Variants in BAG3 observed in about 807,000 individuals in gnomAD.
BAG3 encodes BAG family molecular chaperone regulator 3.
BAG3 carries 14 observed loss-of-function variants against 40.5 expected under a neutral mutation model. That is an observed-to-expected ratio of 0.35 (90% CI 0.23 to 0.54). The LOEUF (loss-of-function observed/expected upper bound fraction) is 0.54. BAG3 is among the 20% of genes least tolerant of loss of function. The pLI is 0.91. For synonymous variants in BAG3, 302 were observed against 307.8 expected, an observed-to-expected ratio of 0.98 and a Z score of 0.20; for missense variants, 788 against 758.6, an observed-to-expected ratio of 1.04 and a Z score of -0.46.
Position 119,670,140 on chromosome 10 carries a change from C to T in BAG3, c.470C>T (p.Ala157Val), listed in dbSNP as rs541080567. The change falls in exon 2 of 4, where the codon GCG becomes GTG. Residue 157 changes from alanine (A) to valine (V), a missense_variant. Coordinates refer to ENST00000369085, the MANE Select transcript of BAG3 (RefSeq NM_004281.4). The part of the protein sequence containing the change: ...PDKQCGQVAA[A>V]AAAQPPASHG... ...AAACAGTGTGGACAGGTGGCAGCGGCGGCGGCAGCCCAGCCCCCAGCCTCC... is the reference window on the plus strand; with the variant it reads ...AAACAGTGTGGACAGGTGGCAGCGGTGGCGGCAGCCCAGCCCCCAGCCTCC... The T allele has an allele frequency of 1.9e-5, 31 of 1,612,070 alleles. No individual in the cohort carries two copies. The highest frequency in any genetic ancestry group is 1.9e-4 in the African/African-American group (14 of 75,056).
At chr10:119,675,487 G>C (rs1190474242) in intron 3 of BAG3, among the ~76,000 whole-genome samples, 1 of 152,174 alleles carries the variant, frequency 6.6e-6, no homozygotes, top group African/African-American at 2.4e-5. Flanking sequence ...ACCATTTAGA[G>C]CATCTTGGCT....
At chr10:119,657,314 G>C (rs1336611701) in intron 1 of BAG3, 10 of 333,342 alleles carry the variant, frequency 3.0e-5, no homozygotes, top group Non-Finnish European at 5.3e-5. Context: ...GAAGCAGGCT[G>C]TCTCTCTTCT....
chr10:119,664,663 A>G (rs1847034925), intron 1 of BAG3, among the ~76,000 whole-genome samples: 2 of 152,172 alleles, frequency 1.3e-5, no homozygotes, highest in Non-Finnish European at 1.5e-5. Flanking sequence ...TCCCGCTTGA[A>G]TCAGGAAGGG....
At chr10:119,675,325 C>A (rs756383031) in intron 3 of BAG3, among the ~76,000 whole-genome samples, 29 of 152,090 alleles carry the variant, frequency 1.9e-4, no homozygotes, top group Non-Finnish European at 3.5e-4. Flanking sequence ...AGAGTGAGAC[C>A]CTGTCCCCCA....
In BAG3 at chr10:119,651,575, TCGGCGGCGGAGAGGGGCCCACGG is replaced by T. The variant is rs1846839421; in HGVS notation, c.-93_-71del. ...GCCCGGCGCCGGCTTCCCGGACACG[TCGGCGGCGGAGAGGGGCCCACGG>T]CGGCGGCCCGGCCAGAGACTCGGCG... On this transcript the variant is annotated 5_prime_UTR_variant, in exon 1 of 4. Coordinates refer to ENST00000369085, the MANE Select transcript of BAG3 (RefSeq NM_004281.4). 1.7e-6 allele frequency: 2 copies of T among 1,165,594 alleles called. No homozygotes were observed. The highest frequency in any genetic ancestry group is 2.2e-6 in the Non-Finnish European group (2 of 895,882). The allele number at this position is 1,165,594 out of a possible 1,614,324, so 72.2% of individuals were successfully genotyped here. A position where few individuals can be genotyped will look rare whatever the true frequency, so the allele number is the denominator to read the frequency against.
intron 1 of BAG3, among the ~76,000 whole-genome samples, chr10:119,655,080 G>A (rs528049753): frequency 2.0e-5 from 3 of 152,336 alleles, no homozygotes; most frequent in East Asian, 3.9e-4. Flanking sequence ...TGGGAGCCAC[G>A]GATGGCCAGT....
At chr10:119,662,567 G>A (rs1299281766) in intron 1 of BAG3, among the ~76,000 whole-genome samples, 4 of 152,106 alleles carry the variant, frequency 2.6e-5, no homozygotes, top group African/African-American at 9.7e-5. Flanking sequence ...TAAAAACCCA[G>A]TTAATACAGT....
At chr10:119,654,483 C>T (rs1165977106) in intron 1 of BAG3, among the ~76,000 whole-genome samples, 10 of 152,364 alleles carry the variant, frequency 6.6e-5, no homozygotes, top group Admixed American at 5.2e-4. Flanking sequence ...TGCCGTCTTG[C>T]AGTTGATCTT....
chr10:119,657,064 T>C (rs1221193794), intron 1 of BAG3, among the ~76,000 whole-genome samples: 1 of 152,144 alleles, frequency 6.6e-6, no homozygotes, highest in Non-Finnish European at 1.5e-5. Context: ...CAGGCACAGC[T>C]TGAGGTGATA....
intron 1 of BAG3, among the ~76,000 whole-genome samples, chr10:119,667,672 G>T (rs1183882732): frequency 6.6e-6 from 1 of 152,170 alleles, no homozygotes; most frequent in Non-Finnish European, 1.5e-5. Context: ...TGTTGGCAGG[G>T]AGTGCCCCTT....
chr10:119,656,268 G>A (rs998357414), intron 1 of BAG3, among the ~76,000 whole-genome samples: 1 of 151,972 alleles, frequency 6.6e-6, no homozygotes, highest in Non-Finnish European at 1.5e-5. Flanking sequence ...TGAACCCTGT[G>A]TCACACTTGA....
chr10:119,656,891 C>T (rs184407890), intron 1 of BAG3, among the ~76,000 whole-genome samples: 1 of 152,260 alleles, frequency 6.6e-6, no homozygotes, highest in East Asian at 1.9e-4. Flanking sequence ...GTGTCTTACA[C>T]ATGGGACAGC....
intron 1 of BAG3, among the ~76,000 whole-genome samples, chr10:119,668,070 A>T (rs937219940): frequency 2.0e-5 from 3 of 152,192 alleles, no homozygotes; most frequent in Non-Finnish European, 2.9e-5. Context: ...CCTGAGAGTT[A>T]AGCAGGCTAA....
At chr10:119,675,412 G>A (rs985317286) in intron 3 of BAG3, among the ~76,000 whole-genome samples, 1 of 152,182 alleles carries the variant, frequency 6.6e-6, no homozygotes, top group Admixed American at 6.5e-5. Flanking sequence ...GCACAGAGGC[G>A]CTGTGTCATT....
At position 119,677,147 on chromosome 10, in the gene BAG3, A is replaced by G. The variant is rs1057521271; in HGVS notation, c.1593A>G (p.Ala531=). ...LQAIMEMGAV[A]ADKGKKNAGN... ...CAATCATGGAGATGGGTGCCGTGGC[A>G]GCAGACAAGGGCAAGAAAAATGCTG... Residue 531 remains alanine (A), a synonymous_variant, in exon 4 of 4, where the codon GCA becomes GCG. Transcript: ENST00000369085. 20 of 1,614,100 alleles carry G rather than the reference A, an allele frequency of 1.2e-5. No homozygotes were observed. The highest frequency in any genetic ancestry group is 1.5e-5 in the Non-Finnish European group (18 of 1,180,056).
At chr10:119,665,824 A>G (rs171910) in intron 1 of BAG3, among the ~76,000 whole-genome samples, 114,334 of 151,748 alleles carry the variant, frequency 0.75, 43,386 homozygotes, top group Non-Finnish European at 0.78. Context: ...ACAAAACCCC[A>G]CCAGAGTAGA....
intron 1 of BAG3, 92 bp downstream of exon 1, chr10:119,651,947 G>A (rs989198918): frequency 1.6e-5 from 18 of 1,123,164 alleles, no homozygotes; most frequent in Non-Finnish European, 1.8e-5. Flanking sequence ...GCGAGGCGGC[G>A]GGGCCCGGGG....
In BAG3 at chr10:119,672,111, C is replaced by T. The variant is rs1847157515; in HGVS notation, c.508-144C>T. On this transcript the variant is annotated intron_variant, in intron 2 of 3. Transcript: ENST00000369085. This position sits in a 1 kb window ranked among gnomAD's most constrained non-coding sequence, Gnocchi z 4.8. Reference sequence around the variant, plus strand: ...GCCCCAGAGCTCTCAGTCTTAACCGCACATTTTGAAAATTGAAAATTACAG... The same window carrying T: ...GCCCCAGAGCTCTCAGTCTTAACCGTACATTTTGAAAATTGAAAATTACAG... 1.7e-6 allele frequency: 2 copies of T among 1,199,808 alleles called. No homozygotes were observed. The highest frequency in any genetic ancestry group is 1.5e-5 in the African/African-American group (1 of 66,898). 74.3% of individuals were successfully genotyped at this position (1,199,808 alleles called of 1,614,324 possible). A position where few individuals can be genotyped will look rare whatever the true frequency, so the allele number is the denominator to read the frequency against.
chr10:119,661,046 T>A (rs1288128787), intron 1 of BAG3, among the ~76,000 whole-genome samples: 1 of 151,346 alleles, frequency 6.6e-6, no homozygotes, highest in East Asian at 2.0e-4. Flanking sequence ...TGAGCCGAGA[T>A]CATGCCTTTG....
Sources: allele counts gnomAD v4.1 joint callset (sites outside exome capture counted in the v4.1 genomes callset), GRCh38; gene constraint gnomAD v4.1.1; non-coding constraint Gnocchi (gnomAD v3.1); transcripts MANE v1.5; gene names NCBI Gene and HGNC (gene_info 2026-07-23, HGNC 2026-07-21).